Variants in VPS13D observed in about 807,000 individuals in gnomAD.
The protein encoded by VPS13D is intermembrane lipid transfer protein VPS13D.
In VPS13D, 187 loss-of-function variants were observed where a neutral mutation model predicts 461.9. That is an observed-to-expected ratio of 0.40 (90% CI 0.36 to 0.46). VPS13D has a LOEUF of 0.46. VPS13D is among the 20% of genes least tolerant of loss of function. VPS13D has a pLI of 0.60. For missense variants in VPS13D, 4,711 were observed against 5,364.9 expected, an observed-to-expected ratio of 0.88 and a Z score of 3.81; for synonymous variants, 1,951 against 1,986.3, an observed-to-expected ratio of 0.98 and a Z score of 0.47.
intron 67 of VPS13D, among the ~76,000 whole-genome samples, chr1:12,496,516 A>G (rs1056902455): frequency 1.3e-5 from 2 of 152,222 alleles, no homozygotes; most frequent in African/African-American, 2.4e-5. Flanking sequence ...TGCTGATTCG[A>G]TGTGTAAGGC....
At chr1:12,265,613 G>A (rs1435776310) in intron 13 of VPS13D, among the ~76,000 whole-genome samples, 1 of 152,166 alleles carries the variant, frequency 6.6e-6, no homozygotes, top group Non-Finnish European at 1.5e-5. Flanking sequence ...AGCATTAACA[G>A]GAGTTTGGAA....
At chr1:12,363,795 A>G in intron 52 of VPS13D, among the ~76,000 whole-genome samples, 1 of 151,966 alleles carries the variant, frequency 6.6e-6, no homozygotes, top group East Asian at 1.9e-4. Context: ...TCTACTAAAA[A>G]TACAAAAATT....
chr1:12,466,832 C>A lies in VPS13D; in HGVS notation c.12662+6436C>A, dbSNP rs1447706926. Among the ~76,000 whole-genome samples the A allele has an allele frequency of 2.6e-5, 4 of 152,250 alleles. No individual in the cohort carries two copies. In the East Asian group the frequency reaches 7.7e-4, roughly 29 times the overall value. ...CAGTTTCATCACGAAAAAGGCATTA[C>A]ATTTCAGTGAAACTGAAAAATTATT... On this transcript the variant is annotated intron_variant, in intron 67 of 69. Transcript: ENST00000620676.
intron 65 of VPS13D, among the ~76,000 whole-genome samples, chr1:12,435,691 A>G (rs971924075): frequency 6.6e-6 from 1 of 151,372 alleles, no homozygotes; most frequent in Non-Finnish European, 1.5e-5. Context: ...TCCTCTTAAT[A>G]CCAGTGCAAA....
rs144149396 is a variant in VPS13D, at chr1:12,268,725, C to T, written c.1821C>T (p.Pro607=). Reference sequence around the variant, plus strand: ...CTTTAGCTGCAGATCCAGATGGCCCCGTTTTTGAGATGCTGTATGAGAGAA... The same window carrying T: ...CTTTAGCTGCAGATCCAGATGGCCCTGTTTTTGAGATGCTGTATGAGAGAA... ...DHYPAADPDG[P]VFEMLYERNP... is the part of the protein sequence containing the mutation. The change falls in exon 16 of 70, where the codon CCC becomes CCT. Residue 607 remains proline (P), a synonymous_variant. Coordinates refer to ENST00000620676, the MANE Select transcript of VPS13D (RefSeq NM_015378.4). 8.9e-5 allele frequency: 143 copies of T among 1,613,306 alleles called. No individual in the cohort carries two copies. The highest frequency in any genetic ancestry group is 7.1e-5 in the Non-Finnish European group (84 of 1,179,800).
Position 12,259,664 on chromosome 1 carries a change from A to G in VPS13D, c.1111-1029A>G, listed in dbSNP as rs113797601. Reference sequence around the variant, plus strand: ...TAGAAGAAGAGAAAATCTTATTTACAACTGAGATGAGCAAGTAAAGACGTA... The same window carrying G: ...TAGAAGAAGAGAAAATCTTATTTACGACTGAGATGAGCAAGTAAAGACGTA... On this transcript the variant is annotated intron_variant, in intron 10 of 69. Transcript: ENST00000620676. 9.3e-3 allele frequency among the ~76,000 whole-genome samples: 1,415 copies of G among 152,314 alleles called. 7 individuals carry two copies. The highest frequency in any genetic ancestry group is 0.041 in the Middle Eastern group (12 of 294).
chr1:12,414,020 A>G (rs1486975205), intron 63 of VPS13D, among the ~76,000 whole-genome samples: 1 of 152,226 alleles, frequency 6.6e-6, no homozygotes, highest in Non-Finnish European at 1.5e-5. Flanking sequence ...GCAGTGGTTC[A>G]CAGCTGTAAT....
intron 61 of VPS13D, among the ~76,000 whole-genome samples, chr1:12,400,786 CTA>C (rs2101681803): frequency 6.6e-6 from 1 of 152,190 alleles, no homozygotes; most frequent in African/African-American, 2.4e-5. Context: ...AACCTCATTT[CTA>C]TAAAAAATAC....
chr1:12,246,605 C>T (rs528180816), intron 5 of VPS13D, among the ~76,000 whole-genome samples: 26 of 152,296 alleles, frequency 1.7e-4, no homozygotes, highest in African/African-American at 6.0e-4. Context: ...TTGAATTGCT[C>T]TGCAAACCTA....
At chr1:12,376,270 C>G (rs1355473916) in intron 55 of VPS13D, among the ~76,000 whole-genome samples, 1 of 152,224 alleles carries the variant, frequency 6.6e-6, no homozygotes, top group Non-Finnish European at 1.5e-5. Flanking sequence ...ACAGCAGAGA[C>G]AGCATGATGT....
chr1:12,250,398 C>T (rs1340752564), intron 6 of VPS13D, among the ~76,000 whole-genome samples: 7 of 152,176 alleles, frequency 4.6e-5, no homozygotes, highest in Admixed American at 4.6e-4. Flanking sequence ...ACAACAATGA[C>T]ACTCCTGTCA....
rs768628311 is a variant in VPS13D, at chr1:12,495,149, CTTT to C, written c.12663-2335_12663-2333del. 2.9e-5 allele frequency among the ~76,000 whole-genome samples: 4 copies of C among 138,682 alleles called. No individual in the cohort carries two copies. The highest frequency in any genetic ancestry group is 1.6e-5 in the Non-Finnish European group (1 of 63,600). 91.0% of individuals were successfully genotyped at this position (138,682 alleles called of 152,430 possible). A position where few individuals can be genotyped will look rare whatever the true frequency, so the allele number is the denominator to read the frequency against. ...AGATGACTGACTTGATGTAACTTAC[CTTT>C]TTTTTTTTTTTTTTTGAGACAGAGT... On this transcript the variant is annotated intron_variant, in intron 67 of 69. Transcript: ENST00000620676. The surrounding 1 kb of genome is among the most constrained non-coding windows in gnomAD (Gnocchi z 4.0).
At chr1:12,392,646 G>T (rs1394765406) in intron 60 of VPS13D, among the ~76,000 whole-genome samples, 2 of 151,888 alleles carry the variant, frequency 1.3e-5, no homozygotes, top group Admixed American at 6.6e-5. Flanking sequence ...TTCCACCAAA[G>T]CCCAGTAACA....
chr1:12,479,780 A>T lies in VPS13D; in HGVS notation c.12663-17720A>T, dbSNP rs146882461. The stretch of plus-strand genomic sequence containing the variant: ...GTCTACTTCCTTTCGATTCTTGGAT[A>T]TGAAGGGTAGGAGCTTAATATCTGC... On this transcript the variant is annotated intron_variant, in intron 67 of 69. Coordinates refer to ENST00000620676, the MANE Select transcript of VPS13D (RefSeq NM_015378.4). 9.3e-4 allele frequency among the ~76,000 whole-genome samples: 141 copies of T among 152,296 alleles called. 1 individual carries two copies. The highest frequency in any genetic ancestry group is 3.2e-3 in the African/African-American group (131 of 41,568).
chr1:12,366,958 T>C (rs752364024), intron 52 of VPS13D, among the ~76,000 whole-genome samples: 16 of 152,212 alleles, frequency 1.1e-4, no homozygotes, highest in Non-Finnish European at 1.8e-4. Context: ...TATAATACTA[T>C]TGTCACATAC....
chr1:12,390,354 CA>C (rs1644408517), intron 60 of VPS13D, among the ~76,000 whole-genome samples: 1 of 152,146 alleles, frequency 6.6e-6, no homozygotes, highest in Non-Finnish European at 1.5e-5. Context: ...ATTGTGATTT[CA>C]AAAGGCCATT....
rs1570271090 is a variant in VPS13D at position 12,488,610 on chromosome 1, G to A, written c.12663-8890G>A. On this transcript the variant is annotated intron_variant, in intron 67 of 69. Coordinates refer to ENST00000620676, the MANE Select transcript of VPS13D (RefSeq NM_015378.4). The stretch of plus-strand genomic sequence containing the variant: ...ATCTGAAAATATTGGGCTGGACACG[G>A]TGGCCCACACCTGCAATCCCAGCAC... Among the ~76,000 whole-genome samples the A allele has an allele frequency of 2.0e-5, 3 of 150,934 alleles. No individual in the cohort carries two copies. In the East Asian group the frequency reaches 5.8e-4, roughly 29 times the overall value.
chr1:12,345,752 T>G (rs1377298294), intron 43 of VPS13D, among the ~76,000 whole-genome samples: 1 of 152,252 alleles, frequency 6.6e-6, no homozygotes, highest in Non-Finnish European at 1.5e-5. Flanking sequence ...TAGATCCATT[T>G]CATGCTAGCT....
intron 7 of VPS13D, among the ~76,000 whole-genome samples, chr1:12,255,403 CATTT>C (rs1347318435): frequency 2.0e-5 from 3 of 151,992 alleles, no homozygotes; most frequent in Admixed American, 1.3e-4. Context: ...GCATATATAG[CATTT>C]ATTTAAGAAA....
Sources: gnomAD v4.1 joint callset for allele counts (sites outside exome capture counted in the v4.1 genomes callset) on GRCh38, gnomAD v4.1.1 for gene constraint, Gnocchi (gnomAD v3.1) non-coding constraint, MANE v1.5 for transcripts, NCBI Gene and HGNC (gene_info 2026-07-23, HGNC 2026-07-21) for gene names.